The following LMTK3 variants were observed in gnomAD, a reference collection of about 807,000 sequenced individuals.
LMTK3 encodes the protein lemur tail kinase 3, also known as serine/threonine-protein kinase LMTK3.
Under a neutral mutation model 116.7 loss-of-function variants are expected in LMTK3, and 27 were observed. That is an observed-to-expected ratio of 0.23 (90% confidence interval 0.17 to 0.32). LMTK3 has a LOEUF of 0.32. Ranked by LOEUF, LMTK3 falls within the 10% of genes least tolerant of loss-of-function variation. The pLI, the probability that LMTK3 is intolerant of heterozygous loss-of-function variation, is 1.00. For missense variants in LMTK3, 1,764 were observed against 2,068.5 expected (o/e 0.85, Z 2.86); for synonymous variants, 965 against 971.0 (o/e 0.99, Z 0.11).
At chr19:48,509,082 C>G (rs971330532) in intron 4 of LMTK3, 113 bp from the exon 5 acceptor site, 1 of 680,844 alleles carries the variant, frequency 1.5e-6, no homozygotes, top group African/African-American at 1.8e-5. Context: ...CCAGCTTCTC[C>G]CTCCACATCC....
rs1239106077 is a variant in LMTK3 at position 48,485,719 on chromosome 19, A to C, written c.*54T>G. The C allele has an allele frequency of 1.3e-6, 2 of 1,587,768 alleles. No homozygotes were observed. The highest frequency in any genetic ancestry group is 2.7e-5 in the African/African-American group (2 of 74,290). On this transcript the variant is annotated 3_prime_UTR_variant, in exon 15 of 15. Coordinates refer to ENST00000600059, the MANE Select transcript of LMTK3 (RefSeq NM_001388485.1). ...GCAGTGGCGCCGTCATCCACAGAGG[A>C]TTCCATTCTCAACCCCTCTTCTGAG...
At position 48,491,416 on chromosome 19, in the gene LMTK3, C is replaced by T. The variant is rs1430847202; in HGVS notation, c.4216G>A (p.Asp1406Asn). The T allele has an allele frequency of 1.4e-6, 2 of 1,405,260 alleles. No homozygotes were observed. Among genetic ancestry groups the T allele is most frequent in the South Asian group, 1.5e-5 (1 of 64,838 alleles). 87.0% of individuals were successfully genotyped at this position (1,405,260 alleles called of 1,614,324 possible). A position where few individuals can be genotyped will look rare whatever the true frequency, so the allele number is the denominator to read the frequency against. Residue 1406 changes from aspartate to asparagine, a missense_variant, in exon 13 of 15, where the codon GAC becomes AAC. Coordinates refer to ENST00000600059, the MANE Select transcript of LMTK3 (RefSeq NM_001388485.1). This position sits in a 1 kb window ranked among gnomAD's most constrained non-coding sequence, Gnocchi z 5.1. Reference protein sequence around the residue: ...ATPGDGFPSNDSGFGGSFEWA... With the variant: ...ATPGDGFPSNNSGFGGSFEWA... ...GGCCCGTCCTCACCAAAGCCGCTGT[C>T]GTTGCTGGGAAACCCATCTCCGGGG...
rs1972350354 is a variant in LMTK3 at position 48,497,543 on chromosome 19, C to T, written c.3526G>A (p.Gly1176Arg). Residue 1176 changes from glycine to arginine, a missense_variant, in exon 11 of 15, where the codon GGA (glycine) becomes AGA (arginine). By Grantham distance (125) the Gly-to-Arg change is moderately radical (BLOSUM62 -2). Around this residue, in one of 7 missense-constraint regions of LMTK3, gnomAD observed 1,028 missense variants for 1,050.6 expected, o/e 0.98. Transcript: ENST00000600059. This position sits in a 1 kb window ranked among gnomAD's most constrained non-coding sequence, Gnocchi z 5.7. ...PRARPEVAPE[G>R]EPGAPDSRAG... ...CTGCTGTCTGGGGCCCCGGGCTCTC[C>T]CTCGGGGGCCACCTCCGGCCTGGCT... 7.2e-7 allele frequency: 1 copy of T among 1,382,050 alleles called. No homozygotes were observed. Among genetic ancestry groups the T allele is most frequent in the Non-Finnish European group, 9.4e-7 (1 of 1,064,174 alleles). 85.6% of individuals were successfully genotyped at this position (1,382,050 alleles called of 1,614,324 possible).
intron 5 of LMTK3, among the ~76,000 whole-genome samples, chr19:48,505,646 G>A (rs1253517625): frequency 6.6e-6 from 1 of 152,118 alleles, no homozygotes; most frequent in Non-Finnish European, 1.5e-5. Flanking sequence ...TGGATCACCT[G>A]ATGTCAGGAG....
chr19:48,495,157 C>G (rs909167281), intron 11 of LMTK3, among the ~76,000 whole-genome samples: 1 of 151,974 alleles, frequency 6.6e-6, no homozygotes, highest in Non-Finnish European at 1.5e-5. Context: ...TTACAGGTGC[C>G]TGCCCCCACG....
chr19:48,509,878 C>T, intron 3 of LMTK3, 145 bp downstream of exon 3: 1 of 874,892 alleles, frequency 1.1e-6, no homozygotes, highest in African/African-American at 1.7e-5. Flanking sequence ...CCATAGGCTG[C>T]TTCCAAGATT....
chr19:48,498,182 C>T lies in LMTK3; in HGVS notation c.2887G>A (p.Glu963Lys). Residue 963 changes from glutamate (E) to lysine (K), a missense_variant, in exon 11 of 15, where the codon GAG becomes AAG. Physicochemically the swap from Glu to Lys is moderately conservative, Grantham distance 56. Coordinates refer to ENST00000600059, the MANE Select transcript of LMTK3 (RefSeq NM_001388485.1). ...EREEKVLENGELTPPRREEKA... is the reference protein window; with the variant it reads ...EREEKVLENGKLTPPRREEKA... ...TCCTCCCTCCTTGGGGGTGTCAGCT[C>T]CCCATTCTCCAGCACTTTCTCTTCT... 1.9e-6 allele frequency: 3 copies of T among 1,613,654 alleles called. No individual in the cohort carries two copies. Among genetic ancestry groups the T allele is most frequent in the South Asian group, 2.2e-5 (2 of 91,070 alleles).
rs1446238733 is a variant in LMTK3, at chr19:48,497,884, A to G, written c.3185T>C (p.Val1062Ala). The change falls in exon 11 of 15, where the codon GTC becomes GCC. Residue 1062 changes from valine (V) to alanine (A), a missense_variant. Val to Ala is a moderately conservative substitution (Grantham distance 64). Coordinates refer to ENST00000600059, the MANE Select transcript of LMTK3 (RefSeq NM_001388485.1). This position sits in a 1 kb window ranked among gnomAD's most constrained non-coding sequence, Gnocchi z 5.7. ...LERAPAPSAV[V>A]SSRNGGETAP... ...TGTCTCCCCGCCGTTCCGGGAGGAG[A>G]CCACTGCGCTGGGTGCAGGGGCTCT... The G allele has an allele frequency of 2.3e-5, 33 of 1,450,678 alleles. No individual in the cohort carries two copies. Among genetic ancestry groups the G allele is most frequent in the Non-Finnish European group, 2.6e-5 (29 of 1,105,060 alleles). 89.9% of individuals were successfully genotyped at this position (1,450,678 alleles called of 1,614,324 possible).
In LMTK3 at chr19:48,497,355, C is replaced by T; in HGVS notation, c.3676+38G>A. 2 of 1,425,844 alleles carry T rather than the reference C, an allele frequency of 1.4e-6. No homozygotes were observed. The highest frequency in any genetic ancestry group is 1.8e-6 in the Non-Finnish European group (2 of 1,084,684). The allele number at this position is 1,425,844 out of a possible 1,614,324, so 88.3% of individuals were successfully genotyped here. On this transcript the variant is annotated intron_variant, in intron 11 of 14. Transcript: ENST00000600059. This position sits in a 1 kb window ranked among gnomAD's most constrained non-coding sequence, Gnocchi z 5.7. ...ACCCTCCGCACGCCTCGGAAACAGCCGGACCTCAGCCCTGACTGTGCCCCG... is the reference window on the plus strand; with the variant it reads ...ACCCTCCGCACGCCTCGGAAACAGCTGGACCTCAGCCCTGACTGTGCCCCG...
intron 12 of LMTK3, among the ~76,000 whole-genome samples, chr19:48,492,382 T>C (rs1181499039): frequency 6.6e-6 from 1 of 152,216 alleles, no homozygotes; most frequent in Non-Finnish European, 1.5e-5. Flanking sequence ...AGACGAGGTC[T>C]CGCCATTTTG....
chr19:48,511,856 G>C (rs560804854), upstream of LMTK3: 3 of 236,048 alleles, frequency 1.3e-5, no homozygotes, highest in Non-Finnish European at 2.4e-5. Flanking sequence ...GGGTAGGATG[G>C]GGGGGGCGAG....
At chr19:48,496,800 A>G (rs568933178) in intron 11 of LMTK3, among the ~76,000 whole-genome samples, 2 of 152,368 alleles carry the variant, frequency 1.3e-5, no homozygotes, top group South Asian at 4.1e-4. Flanking sequence ...CCCTTGAGCC[A>G]TCCACAGACA....
At chr19:48,506,775 C>T (rs1972578012) in intron 5 of LMTK3, among the ~76,000 whole-genome samples, 2 of 152,174 alleles carry the variant, frequency 1.3e-5, no homozygotes, top group Non-Finnish European at 2.9e-5. Flanking sequence ...AACAATTCTC[C>T]TGCCTCAGCC....
intron 2 of LMTK3, 26 bp downstream of exon 2, chr19:48,510,433 A>G (rs931590264): frequency 6.3e-7 from 1 of 1,583,950 alleles, no homozygotes; most frequent in East Asian, 2.3e-5. Context: ...CTTCCTCCCC[A>G]AGTTGAATCC....
At chr19:48,487,440 G>A (rs1234620708) in intron 14 of LMTK3, among the ~76,000 whole-genome samples, 3 of 152,132 alleles carry the variant, frequency 2.0e-5, no homozygotes, top group African/African-American at 7.2e-5. Flanking sequence ...CTCACAAAGT[G>A]CTGGAATTAC....
chr19:48,488,301 C>T lies in LMTK3; in HGVS notation c.4367-2512G>A, dbSNP rs138304458. ...GCCAAGTGAAGGAAGAGTCAGCCCCCAGACCTGTCCCACCTGCCCTTGACT... is the reference window on the plus strand; with the variant it reads ...GCCAAGTGAAGGAAGAGTCAGCCCCTAGACCTGTCCCACCTGCCCTTGACT... On this transcript the variant is annotated intron_variant, in intron 14 of 14. Transcript: ENST00000600059. 2.4e-3 allele frequency among the ~76,000 whole-genome samples: 363 copies of T among 152,222 alleles called. 3 individuals are homozygous for T. Among genetic ancestry groups the T allele is most frequent in the African/African-American group, 8.3e-3 (344 of 41,514 alleles).
intron 7 of LMTK3, 132 bp from the exon 8 acceptor site, chr19:48,501,694 CTG>C (rs1972471333): frequency 1.1e-6 from 1 of 895,262 alleles, no homozygotes; most frequent in South Asian, 1.5e-5. Flanking sequence ...TCCCTCTGAT[CTG>C]TCTCTCCCCT....
chr19:48,493,261 T>C (rs1972257235), intron 12 of LMTK3, among the ~76,000 whole-genome samples: 1 of 104,374 alleles, frequency 9.6e-6, no homozygotes. Context: ...AAGCTCAGCC[T>C]TCGTCTAGGC....
rs1314807394 is a variant in LMTK3 at position 48,510,452 on chromosome 19, A to T, written c.210+7T>A. 7 of 1,592,314 alleles carry T rather than the reference A, an allele frequency of 4.4e-6. No individual in the cohort carries two copies. The East Asian group carries it at 1.4e-4, about 31-fold the overall frequency. ...CTCCCCAAGTTGAATCCCCTCATGC[A>T]CCTCACCTTGAAGCCGACATCGCCC... is the stretch of plus-strand genomic sequence containing the variant. On this transcript the variant is annotated splice_region_variant and intron_variant, in intron 2 of 14. Coordinates refer to ENST00000600059, the MANE Select transcript of LMTK3 (RefSeq NM_001388485.1).
Sources: gnomAD v4.1 joint callset for allele counts (sites outside exome capture counted in the v4.1 genomes callset) on GRCh38, gnomAD v4.1.1 for gene constraint, gnomAD v4.1.1 regional missense constraint, Gnocchi (gnomAD v3.1) non-coding constraint, MANE v1.5 for transcripts, NCBI Gene and HGNC (gene_info 2026-07-23, HGNC 2026-07-21) for gene names.